The following DPM2 variants were observed in gnomAD, a reference collection of about 807,000 sequenced individuals.
The protein encoded by DPM2 is dolichol phosphate-mannose biosynthesis regulatory protein.
In DPM2, 8 loss-of-function variants were observed where a neutral mutation model predicts 12.1. The observed-to-expected ratio is 0.66, with a 90% confidence interval of 0.39 to 1.19. The LOEUF (loss-of-function observed/expected upper bound fraction) is 1.19. DPM2 is among the 50% of genes most tolerant of loss of function. DPM2 has a pLI of 0.01. For missense variants in DPM2, 93 were observed against 102.5 expected (o/e 0.91, Z 0.40); for synonymous variants, 38 against 44.7 (o/e 0.85, Z 0.60).
At chr9:127,936,150 G>A (rs1268477675) in intron 3 of DPM2, 9 of 862,000 alleles carry the variant, frequency 1.0e-5, no homozygotes, top group South Asian at 2.0e-5. Flanking sequence ...GCACCCGGCT[G>A]TTGACTGACT....
intron 2 of DPM2, chr9:127,937,106 C>T (rs1435548277): frequency 3.4e-6 from 1 of 296,366 alleles, no homozygotes; most frequent in Non-Finnish European, 6.2e-6. Flanking sequence ...AAGGCCTTCA[C>T]AAATATCACT....
In DPM2 at chr9:127,937,374, G is replaced by C. The variant is rs191428719; in HGVS notation, c.93+60C>G. 9.4e-4 allele frequency: 1,274 copies of C among 1,356,086 alleles called. 9 individuals are homozygous for C. The African/African-American group carries it at 0.016, about 17-fold the overall frequency. The allele number at this position is 1,356,086 out of a possible 1,614,324, so 84.0% of individuals were successfully genotyped here. On this transcript the variant is annotated intron_variant, in intron 2 of 3. Transcript: ENST00000314392. ...CGCCGTGCCTAGAGCCTATATAGTA[G>C]TTGCTCTGGCGGTGCCAGGGCTCGG...
chr9:127,937,619 C>G (rs1460752934), intron 1 of DPM2, 96 bp from the exon 2 acceptor site: 1 of 1,263,484 alleles, frequency 7.9e-7, no homozygotes, highest in African/African-American at 1.5e-5. Flanking sequence ...TCTAAGCTTC[C>G]CATTCAACAG....
Position 127,937,809 on chromosome 9 carries a change from C to A in DPM2, c.3+9G>T. 1 of 1,608,944 alleles carries A rather than the reference C, an allele frequency of 6.2e-7. No homozygotes were observed. Among genetic ancestry groups the A allele is most frequent in the Non-Finnish European group, 8.5e-7 (1 of 1,177,336 alleles). Reference sequence around the variant, plus strand: ...CGCCCCTATCTCCGGCACACGGTGCCAATCTCACCATTTCCCCGCGCGCTC... The same window carrying A: ...CGCCCCTATCTCCGGCACACGGTGCAAATCTCACCATTTCCCCGCGCGCTC... On this transcript the variant is annotated intron_variant, in intron 1 of 3. Transcript: ENST00000314392.
intron 3 of DPM2, 35 bp downstream of exon 3, chr9:127,936,518 C>T: frequency 6.2e-7 from 1 of 1,603,660 alleles, no homozygotes; most frequent in Non-Finnish European, 8.5e-7. Context: ...TCCCGAAACC[C>T]TGCCCAGGGT....
chr9:127,936,076 C>CTACA, intron 3 of DPM2: 1 of 589,998 alleles, frequency 1.7e-6, no homozygotes, highest in South Asian at 2.2e-5. Flanking sequence ...GTCTGTCCAC[C>CTACA]TACATACCTA....
At chr9:127,937,748 C>T in intron 1 of DPM2, 70 bp downstream of exon 1, 7 of 1,598,334 alleles carry the variant, frequency 4.4e-6, no homozygotes, top group Non-Finnish European at 5.1e-6. Flanking sequence ...TGCCCATGCC[C>T]CAGCTCCTGA....
intron 2 of DPM2, chr9:127,937,231 G>T (rs1831521617): frequency 2.1e-6 from 1 of 477,380 alleles, no homozygotes; most frequent in Non-Finnish European, 3.8e-6. Flanking sequence ...ATGCAATCTT[G>T]GGCCAGATCC....
intron 2 of DPM2, chr9:127,936,958 G>T: frequency 2.8e-6 from 1 of 353,950 alleles, no homozygotes. Context: ...AGGAATCCTC[G>T]ACTGACTCCC....
At chr9:127,937,392 G>A (rs1831524728) in intron 2 of DPM2, 42 bp downstream of exon 2, 17 of 1,533,902 alleles carry the variant, frequency 1.1e-5, no homozygotes, top group Non-Finnish European at 1.4e-5. Context: ...GGCGGTGCCA[G>A]GGCTCGGGGA....
intron 1 of DPM2, 109 bp downstream of exon 1, chr9:127,937,709 G>C (rs911326634): frequency 8.4e-6 from 12 of 1,432,468 alleles, no homozygotes; most frequent in Non-Finnish European, 1.1e-5. Context: ...GTACAATAGT[G>C]GGGGCGGGAG....
intron 2 of DPM2, 50 bp from the exon 3 acceptor site, chr9:127,936,705 C>T (rs1831512108): frequency 9.8e-6 from 14 of 1,424,388 alleles, no homozygotes; most frequent in African/African-American, 7.3e-5. Flanking sequence ...TTGCCGAGCC[C>T]CCAAGCCCAA....
chr9:127,935,518 A>G lies in DPM2; in HGVS notation c.*204T>C. 1 of 614,052 alleles carries G rather than the reference A, an allele frequency of 1.6e-6. No individual in the cohort carries two copies. The highest frequency in any genetic ancestry group is 2.9e-6 in the Non-Finnish European group (1 of 346,706). 38.0% of individuals were successfully genotyped at this position (614,052 alleles called of 1,614,324 possible). On this transcript the variant is annotated 3_prime_UTR_variant, in exon 4 of 4. Transcript: ENST00000314392. ...AGGAGGTGACCGGAGTCTTCCAGGT[A>G]TCCCTCCCTCCTAGCTTCTGGAAGT...
In DPM2 at chr9:127,936,646, C is replaced by G. The variant is rs1049674525; in HGVS notation, c.103G>C (p.Asp35His). The G allele has an allele frequency of 2.7e-6, 4 of 1,496,476 alleles. No homozygotes were observed. The highest frequency in any genetic ancestry group is 2.8e-5 in the African/African-American group (2 of 70,702). The allele number at this position is 1,496,476 out of a possible 1,614,324, so 92.7% of individuals were successfully genotyped here. A position where few individuals can be genotyped will look rare whatever the true frequency, so the allele number is the denominator to read the frequency against. Residue 35 changes from aspartate (D) to histidine (H), a missense_variant, in exon 3 of 4, where the codon GAC becomes CAC. Physicochemically the swap from Asp to His is moderately conservative, Grantham distance 81 (BLOSUM62 -1). Transcript: ENST00000314392. ...TACTTGTGGATGACATGCTGACTGT[C>G]GATGAATGGCTGGCATCGAGGGAAG... is the stretch of plus-strand genomic sequence containing the variant. ...TAWVILLPFI[D>H]SQHVIHKYFL... is the part of the protein sequence containing the mutation.
chr9:127,935,929 G>A (rs766632476), intron 3 of DPM2, 149 bp from the exon 4 acceptor site: 21 of 705,036 alleles, frequency 3.0e-5, no homozygotes, highest in African/African-American at 1.4e-4. Flanking sequence ...CTAGTCATTC[G>A]TCAAGGCATA....
intron 2 of DPM2, chr9:127,937,049 T>G: frequency 3.6e-6 from 1 of 274,368 alleles, no homozygotes; most frequent in Non-Finnish European, 6.8e-6. Context: ...ACACTGCACT[T>G]CTTAAGCAAT....
At chr9:127,936,168 A>G in intron 3 of DPM2, 1 of 1,029,392 alleles carries the variant, frequency 9.7e-7, no homozygotes, top group South Asian at 1.9e-5. Context: ...ACTCATCCAA[A>G]TGACTTTCTG....
In DPM2 at chr9:127,936,190, A is replaced by C. The variant is rs1588689442; in HGVS notation, c.196+363T>G. On this transcript the variant is annotated intron_variant, in intron 3 of 3. Transcript: ENST00000314392. Reference sequence around the variant, plus strand: ...CAAATGACTTTCTGAGCACAGCCTCAGTGCCACAGCCTGTTCTAGATGTGC... The same window carrying C: ...CAAATGACTTTCTGAGCACAGCCTCCGTGCCACAGCCTGTTCTAGATGTGC... 1.4e-5 allele frequency: 16 copies of C among 1,182,152 alleles called. No homozygotes were observed. In the East Asian group the frequency reaches 4.2e-4, roughly 31 times the overall value. The allele number at this position is 1,182,152 out of a possible 1,614,324, so 73.2% of individuals were successfully genotyped here. A position where few individuals can be genotyped will look rare whatever the true frequency, so the allele number is the denominator to read the frequency against.
Position 127,936,668 on chromosome 9 carries a change from G to A in DPM2, c.94-13C>T. On this transcript the variant is annotated splice_polypyrimidine_tract_variant and intron_variant, in intron 2 of 3. Coordinates refer to ENST00000314392, the MANE Select transcript of DPM2 (RefSeq NM_003863.4). ...TGTCGATGAATGGCTGGCATCGAGG[G>A]AAGAGCTCTGGTGTGTCTTGCTTGC... 6.7e-7 allele frequency: 1 copy of A among 1,492,880 alleles called. No homozygotes were observed. Among genetic ancestry groups the A allele is most frequent in the Non-Finnish European group, 8.9e-7 (1 of 1,122,206 alleles). 92.5% of individuals were successfully genotyped at this position (1,492,880 alleles called of 1,614,324 possible).
Sources: allele counts gnomAD v4.1 joint callset, GRCh38; gene constraint gnomAD v4.1.1; transcripts MANE v1.5; gene names NCBI Gene and HGNC (gene_info 2026-07-23, HGNC 2026-07-21).